Variants in TOM1L2 observed in about 807,000 individuals in gnomAD.
TOM1L2 encodes TOM1-like protein 2.
Under a neutral mutation model 67.9 loss-of-function variants are expected in TOM1L2, and 31 were observed. The ratio of observed to expected loss-of-function variants is 0.46; its 90% CI spans 0.34 to 0.62. TOM1L2 has a LOEUF of 0.62. Among genes scored for constraint, TOM1L2 ranks in the 20% least tolerant of loss-of-function variants. The pLI is 0.01. For missense variants in TOM1L2, 606 were observed against 663.5 expected (o/e 0.91, Z 0.95); for synonymous variants, 256 against 254.0 (o/e 1.01, Z -0.07).
chr17:17,919,453 T>A (rs559722575), intron 1 of TOM1L2, among the ~76,000 whole-genome samples: 6 of 152,354 alleles, frequency 3.9e-5, no homozygotes, highest in Non-Finnish European at 7.3e-5. Flanking sequence ...TCTGGGTTAC[T>A]GAGCCAGGAA....
chr17:17,851,802 G>A (rs1018007565), intron 12 of TOM1L2, among the ~76,000 whole-genome samples: 1 of 152,220 alleles, frequency 6.6e-6, no homozygotes, highest in Non-Finnish European at 1.5e-5. Context: ...GCAGCAGCCA[G>A]AGCCAGGGAG....
chr17:17,922,393 G>C (rs759911481), intron 1 of TOM1L2, among the ~76,000 whole-genome samples: 1 of 152,158 alleles, frequency 6.6e-6, no homozygotes, highest in Non-Finnish European at 1.5e-5. Flanking sequence ...AGGCAACATG[G>C]GGCTTTTCAA....
chr17:17,911,673 T>A (rs1280194950), intron 1 of TOM1L2, among the ~76,000 whole-genome samples: 3 of 151,800 alleles, frequency 2.0e-5, no homozygotes, highest in Non-Finnish European at 1.5e-5. Context: ...TTTTATTTTT[T>A]ATTGATCATT....
intron 10 of TOM1L2, among the ~76,000 whole-genome samples, chr17:17,864,633 C>A (rs2036748262): frequency 1.3e-5 from 2 of 151,954 alleles, no homozygotes; most frequent in Non-Finnish European, 1.5e-5. Context: ...TGCCTCAACC[C>A]CCCTAGTAGT....
At chr17:17,894,967 ACATACATACATGCATG>A (rs1211623714) in intron 3 of TOM1L2, among the ~76,000 whole-genome samples, 3 of 136,380 alleles carry the variant, frequency 2.2e-5, no homozygotes, top group Admixed American at 7.2e-5. Context: ...ATACATACAT[ACATACATACATGCATG>A]CATGCATGCA....
intron 2 of TOM1L2, among the ~76,000 whole-genome samples, chr17:17,905,147 C>T (rs959729815): frequency 1.3e-5 from 2 of 152,190 alleles, no homozygotes; most frequent in Admixed American, 1.3e-4. Context: ...TTGTGAGTCA[C>T]GTCTGTGTAC....
chr17:17,891,963 C>T (rs1047873876), intron 4 of TOM1L2, among the ~76,000 whole-genome samples: 1 of 149,772 alleles, frequency 6.7e-6, no homozygotes, highest in Non-Finnish European at 1.5e-5. Flanking sequence ...TACTGAACAC[C>T]CGCTCTACAC....
At chr17:17,909,474 T>G (rs922876237) in intron 1 of TOM1L2, among the ~76,000 whole-genome samples, 2 of 151,590 alleles carry the variant, frequency 1.3e-5, no homozygotes, top group Non-Finnish European at 2.9e-5. Flanking sequence ...GGCCTTGTGC[T>G]AAGTGAAATA....
intron 1 of TOM1L2, among the ~76,000 whole-genome samples, chr17:17,950,748 GA>G (rs1247048172): frequency 6.6e-6 from 1 of 152,174 alleles, no homozygotes; most frequent in Non-Finnish European, 1.5e-5. Flanking sequence ...CCTTTTAAAA[GA>G]AAATGTGCCC....
intron 1 of TOM1L2, among the ~76,000 whole-genome samples, chr17:17,908,457 T>A (rs1169766204): frequency 6.6e-6 from 1 of 152,020 alleles, no homozygotes; most frequent in Admixed American, 6.5e-5. Context: ...TTGAACTACA[T>A]CAAAATAAAA....
intron 1 of TOM1L2, among the ~76,000 whole-genome samples, chr17:17,928,669 C>T (rs1217392665): frequency 6.6e-6 from 1 of 152,192 alleles, no homozygotes. Context: ...GCCCCTATTG[C>T]TTGTCTAATG....
At chr17:17,906,813 G>A (rs2039119054) in intron 2 of TOM1L2, among the ~76,000 whole-genome samples, 1 of 152,242 alleles carries the variant, frequency 6.6e-6, no homozygotes, top group Non-Finnish European at 1.5e-5. Context: ...GTTTAAGAGG[G>A]CATGGCTACA....
chr17:17,964,745 C>A (rs1043062618), intron 1 of TOM1L2, among the ~76,000 whole-genome samples: 11 of 152,020 alleles, frequency 7.2e-5, no homozygotes, highest in Non-Finnish European at 1.2e-4. Flanking sequence ...CAAAGCAAGA[C>A]CCTGTCTCAA....
At chr17:17,894,771 A>G (rs2038468653) in intron 3 of TOM1L2, among the ~76,000 whole-genome samples, 1 of 152,200 alleles carries the variant, frequency 6.6e-6, no homozygotes, top group Non-Finnish European at 1.5e-5. Context: ...CGTCTACTAC[A>G]AATACAAAAA....
At chr17:17,924,858 T>C (rs2040020702) in intron 1 of TOM1L2, among the ~76,000 whole-genome samples, 1 of 152,238 alleles carries the variant, frequency 6.6e-6, no homozygotes, top group East Asian at 1.9e-4. Context: ...ATTATATAGC[T>C]ATTGATATAG....
At chr17:17,949,859 A>T (rs537847458) in intron 1 of TOM1L2, among the ~76,000 whole-genome samples, 106 of 151,810 alleles carry the variant, frequency 7.0e-4, no homozygotes, top group African/African-American at 2.3e-3. Flanking sequence ...TTTTATTTTT[A>T]TTTTTTAAAT....
intron 2 of TOM1L2, among the ~76,000 whole-genome samples, chr17:17,903,134 C>T (rs1435224752): frequency 6.6e-6 from 1 of 152,214 alleles, no homozygotes; most frequent in African/African-American, 2.4e-5. Flanking sequence ...ACTGCCACTG[C>T]ACTAGTCTCC....
chr17:17,898,677 G>C lies in TOM1L2; in HGVS notation c.138-3C>G. The C allele has an allele frequency of 6.2e-7, 1 of 1,614,098 alleles. No individual in the cohort carries two copies. Among genetic ancestry groups the C allele is most frequent in the Non-Finnish European group, 8.5e-7 (1 of 1,179,996 alleles). ...GGGCTCGAATGGCATCCTTTGGCCTGGAAAAAAGAACAGACATATAAAGAT... is the reference window on the plus strand; with the variant it reads ...GGGCTCGAATGGCATCCTTTGGCCTCGAAAAAAGAACAGACATATAAAGAT... On this transcript the variant is annotated splice_polypyrimidine_tract_variant and splice_region_variant and intron_variant, in intron 2 of 14. Transcript: ENST00000379504.
chr17:17,924,123 C>G (rs1399119400), intron 1 of TOM1L2, among the ~76,000 whole-genome samples: 1 of 152,008 alleles, frequency 6.6e-6, no homozygotes, highest in East Asian at 1.9e-4. Context: ...GGCAACAGAG[C>G]AAGACTCTGT....
Sources: allele counts gnomAD v4.1 joint callset (sites outside exome capture counted in the v4.1 genomes callset), GRCh38; gene constraint gnomAD v4.1.1; transcripts MANE v1.5; gene names NCBI Gene and HGNC (gene_info 2026-07-23, HGNC 2026-07-21).